Variants in PEX26 observed in about 807,000 individuals in gnomAD.
PEX26 encodes the protein peroxisomal biogenesis factor 26.
A neutral mutation model predicts 31.4 loss-of-function variants in PEX26; 18 were observed. The ratio of observed to expected loss-of-function variants is 0.57; its 90% CI spans 0.40 to 0.85. The LOEUF (loss-of-function observed/expected upper bound fraction) is 0.85, where lower values mean the gene tolerates loss of function less well. Among genes scored for constraint, PEX26 ranks in the 40% least tolerant of loss-of-function variants. PEX26 has a pLI of 0.00. For missense variants in PEX26, 377 were observed against 383.9 expected (o/e 0.98, Z 0.15); for synonymous variants, 176 against 166.9 (o/e 1.05, Z -0.42).
Position 18,078,533 on chromosome 22 carries a change from G to A in PEX26, c.157G>A (p.Ala53Thr). The A allele has an allele frequency of 6.3e-7, 1 of 1,580,006 alleles. No homozygotes were observed. Among genetic ancestry groups the A allele is most frequent in the Admixed American group, 1.8e-5 (1 of 55,516 alleles). ...DLLVVHLDFR[A>T]ALETCERAWQ... ...CCTGGTGGTGCACCTGGACTTCCGG[G>A]CGGCGCTGGAGACCTGCGAGCGGGC... The change falls in exon 1 of 5, where the codon GCG (alanine) becomes ACG (threonine). Residue 53 changes from alanine to threonine, a missense_variant. Physicochemically the swap from Ala to Thr is moderately conservative, Grantham distance 58 (BLOSUM62 0). Transcript: ENST00000399744.
At position 18,092,215 on chromosome 22, in the gene PEX26, T is replaced by TCAAG. The variant is rs1782522688; in HGVS notation, c.*4144_*4147dup. The TCAAG allele has an allele frequency of 6.6e-6, 1 of 152,276 alleles. No homozygotes were observed. Among genetic ancestry groups the TCAAG allele is most frequent in the South Asian group, 2.1e-4 (1 of 4,838 alleles). 9.4% of individuals were successfully genotyped at this position (152,276 alleles called of 1,614,324 possible). A position where few individuals can be genotyped will look rare whatever the true frequency, so the allele number is the denominator to read the frequency against. ...TCTACTGATTTACTCTCTGGCCTAG[T>TCAAG]CAAGCAACCCACCCACGGCCTGGCC... On this transcript the variant is annotated 3_prime_UTR_variant, in exon 5 of 5. Transcript: ENST00000399744.
chr22:18,085,328 G>A lies in PEX26; in HGVS notation c.814+70G>A, dbSNP rs1327932017. 7 of 1,532,260 alleles carry A rather than the reference G, an allele frequency of 4.6e-6. No homozygotes were observed. In the East Asian group the frequency reaches 1.6e-4, roughly 34 times the overall value. 94.9% of individuals were successfully genotyped at this position (1,532,260 alleles called of 1,614,324 possible). On this transcript the variant is annotated intron_variant, in intron 4 of 4. Transcript: ENST00000399744. ...TTGCCAGGGCTGGGCCTGTGGGAGTGGGTGTTTGTCAGAGTCCTACTGGGG... is the reference window on the plus strand; with the variant it reads ...TTGCCAGGGCTGGGCCTGTGGGAGTAGGTGTTTGTCAGAGTCCTACTGGGG...
rs1927176062 is a variant in PEX26 at position 18,093,305 on chromosome 22, T to A, written c.*5230T>A. ...GGCCGGGCGCGGTGGCTCACGCCTG[T>A]AATCCCAGCACCTTGGGAAGCCGAG... On this transcript the variant is annotated 3_prime_UTR_variant, in exon 5 of 5. Transcript: ENST00000399744. The A allele has an allele frequency of 2.0e-5, 3 of 152,224 alleles. No individual in the cohort carries two copies. The highest frequency in any genetic ancestry group is 2.9e-5 in the Non-Finnish European group (2 of 68,060). 9.4% of individuals were successfully genotyped at this position (152,224 alleles called of 1,614,324 possible).
rs866547423 is a variant in PEX26 at position 18,080,853 on chromosome 22, C to T, written c.371+839C>T. Among the ~76,000 whole-genome samples the T allele has an allele frequency of 5.9e-5, 9 of 152,216 alleles. No homozygotes were observed. In the Middle Eastern group the frequency reaches 0.01, roughly 173 times the overall value. ...TTACTGTTAACCATAACCACCCTAC[C>T]GTGCAATAGAACACCACAACTTATT... On this transcript the variant is annotated intron_variant, in intron 2 of 4. Coordinates refer to ENST00000399744, the MANE Select transcript of PEX26 (RefSeq NM_001127649.3).
At position 18,083,587 on chromosome 22, in the gene PEX26, A is replaced by G; in HGVS notation, c.522A>G (p.Leu174=). 6.2e-7 allele frequency: 1 copy of G among 1,614,058 alleles called. No individual in the cohort carries two copies. The highest frequency in any genetic ancestry group is 8.5e-7 in the Non-Finnish European group (1 of 1,179,964). Residue 174 remains leucine, a synonymous_variant, in exon 3 of 5, where the codon TTA becomes TTG. Transcript: ENST00000399744. ...VQRVLLPLGC[L]SEAEELVVGS... Reference sequence around the variant, plus strand: ...GGGTGCTGCTGCCTCTGGGCTGCTTATCGGAGGCTGAGGAGCTAGTGGTGG... The same window carrying G: ...GGGTGCTGCTGCCTCTGGGCTGCTTGTCGGAGGCTGAGGAGCTAGTGGTGG...
At chr22:18,082,579 C>T (rs942350327) in intron 2 of PEX26, among the ~76,000 whole-genome samples, 5 of 152,100 alleles carry the variant, frequency 3.3e-5, no homozygotes, top group Non-Finnish European at 4.4e-5. Flanking sequence ...TATGCCATAA[C>T]ATGCTGTTAT....
At chr22:18,080,875 T>C (rs1304430959) in intron 2 of PEX26, among the ~76,000 whole-genome samples, 1 of 152,110 alleles carries the variant, frequency 6.6e-6, no homozygotes, top group Non-Finnish European at 1.5e-5. Context: ...CACCACAACT[T>C]ATTCCTCCTA....
In PEX26 at chr22:18,085,702, C is replaced by A. The variant is rs1926815514; in HGVS notation, c.814+444C>A. Among the ~76,000 whole-genome samples, 5 of 152,048 alleles carry A rather than the reference C, an allele frequency of 3.3e-5. No individual in the cohort carries two copies. The South Asian group carries it at 1.0e-3, about 32-fold the overall frequency. ...TGGCCAACATGGTAAAGCCCCATCT[C>A]TACTAAAGATACAAAAAAAATTAGC... On this transcript the variant is annotated intron_variant, in intron 4 of 4. Coordinates refer to ENST00000399744, the MANE Select transcript of PEX26 (RefSeq NM_001127649.3).
intron 3 of PEX26, among the ~76,000 whole-genome samples, chr22:18,084,237 C>CTTTTTTTTTTTTT (rs362041): frequency 1.0e-5 from 1 of 95,320 alleles, no homozygotes. Flanking sequence ...ATCTCTCTCT[C>CTTTTTTTTTTTTT]TTTTTTTTTT....
At position 18,092,223 on chromosome 22, in the gene PEX26, C is replaced by T. The variant is rs1927127477; in HGVS notation, c.*4148C>T. On this transcript the variant is annotated 3_prime_UTR_variant, in exon 5 of 5. Coordinates refer to ENST00000399744, the MANE Select transcript of PEX26 (RefSeq NM_001127649.3). ...TTTACTCTCTGGCCTAGTCAAGCAACCCACCCACGGCCTGGCCAAGGTCGG... is the reference window on the plus strand; with the variant it reads ...TTTACTCTCTGGCCTAGTCAAGCAATCCACCCACGGCCTGGCCAAGGTCGG... The T allele has an allele frequency of 6.6e-6, 1 of 152,304 alleles. No homozygotes were observed. The highest frequency in any genetic ancestry group is 1.5e-5 in the Non-Finnish European group (1 of 68,078). 9.4% of individuals were successfully genotyped at this position (152,304 alleles called of 1,614,324 possible).
Position 18,078,240 on chromosome 22 carries a change from A to G in PEX26, c.-137A>G. 1.4e-6 allele frequency: 1 copy of G among 733,876 alleles called. No individual in the cohort carries two copies. The highest frequency in any genetic ancestry group is 2.4e-6 in the Non-Finnish European group (1 of 414,682). The allele number at this position is 733,876 out of a possible 1,614,324, so 45.5% of individuals were successfully genotyped here. A position where few individuals can be genotyped will look rare whatever the true frequency, so the allele number is the denominator to read the frequency against. On this transcript the variant is annotated 5_prime_UTR_variant, in exon 1 of 5. Transcript: ENST00000399744. Reference sequence around the variant, plus strand: ...GCCCCTTCCTTTTCCTTCTCGGGGAATCGACCTCGGGAAGGGGTGTGGGCA... The same window carrying G: ...GCCCCTTCCTTTTCCTTCTCGGGGAGTCGACCTCGGGAAGGGGTGTGGGCA...
At position 18,103,231 on chromosome 22, in the gene PEX26, G is replaced by A. The variant is rs1221947839; in HGVS notation, c.*15156G>A. The A allele has an allele frequency of 6.6e-6, 1 of 151,946 alleles. No individual in the cohort carries two copies. The highest frequency in any genetic ancestry group is 6.6e-5 in the Admixed American group (1 of 15,224). 9.4% of individuals were successfully genotyped at this position (151,946 alleles called of 1,614,324 possible). On this transcript the variant is annotated 3_prime_UTR_variant, in exon 5 of 5. Transcript: ENST00000399744. ...ATGGACACAAACATAGATAGAAGGA[G>A]TGAGTTCTAATGCTTGATAGCAGAA...
intron 1 of PEX26, chr22:18,078,824 A>G (rs1015945336): frequency 1.4e-6 from 1 of 698,804 alleles, no homozygotes; most frequent in Non-Finnish European, 2.6e-6. Context: ...ACAGCCAATT[A>G]TTTGCTCCTT....
chr22:18,103,711 T>C lies in PEX26; in HGVS notation c.*15636T>C, dbSNP rs1927527512. The C allele has an allele frequency of 6.6e-6, 1 of 152,376 alleles. No individual in the cohort carries two copies. Among genetic ancestry groups the C allele is most frequent in the Non-Finnish European group, 1.5e-5 (1 of 68,222 alleles). 9.4% of individuals were successfully genotyped at this position (152,376 alleles called of 1,614,324 possible). A position where few individuals can be genotyped will look rare whatever the true frequency, so the allele number is the denominator to read the frequency against. On this transcript the variant is annotated 3_prime_UTR_variant, in exon 5 of 5. Transcript: ENST00000399744. ...CCAGCTCAGCCCCGTCTCTGTCCCATACAGAGCCACAGCCACAGTGAGAGC... is the reference window on the plus strand; with the variant it reads ...CCAGCTCAGCCCCGTCTCTGTCCCACACAGAGCCACAGCCACAGTGAGAGC...
At chr22:18,081,943 G>A (rs1926630059) in intron 2 of PEX26, among the ~76,000 whole-genome samples, 1 of 151,990 alleles carries the variant, frequency 6.6e-6, no homozygotes, top group Non-Finnish European at 1.5e-5. Context: ...TCTCATTGTG[G>A]TTTTGATTGG....
rs1927352033 is a variant in PEX26, at chr22:18,098,212, CACAT to C, written c.*10141_*10144del. Reference sequence around the variant, plus strand: ...GGCAACAGAGCGAGACTCTGTCTCACACATACACACACAAAAAAAGTATAAATAT... The same window carrying C: ...GGCAACAGAGCGAGACTCTGTCTCACACACACACAAAAAAAGTATAAATAT... On this transcript the variant is annotated 3_prime_UTR_variant, in exon 5 of 5. Transcript: ENST00000399744. 6.6e-6 allele frequency: 1 copy of C among 151,446 alleles called. No individual in the cohort carries two copies. The highest frequency in any genetic ancestry group is 2.0e-4 in the East Asian group (1 of 5,118). 9.4% of individuals were successfully genotyped at this position (151,446 alleles called of 1,614,324 possible). A position where few individuals can be genotyped will look rare whatever the true frequency, so the allele number is the denominator to read the frequency against.
At chr22:18,082,314 G>A (rs362040) in intron 2 of PEX26, among the ~76,000 whole-genome samples, 151,115 of 152,332 alleles carry the variant, frequency 0.99, 74,959 homozygotes, top group East Asian at 1. Flanking sequence ...CATTTCTCCT[G>A]TGCTTTCTTC....
Position 18,087,989 on chromosome 22 carries a change from C to T in PEX26, c.832C>T (p.His278Tyr), listed in dbSNP as rs1926911750. 6.2e-7 allele frequency: 1 copy of T among 1,613,094 alleles called. No individual in the cohort carries two copies. Among genetic ancestry groups the T allele is most frequent in the Non-Finnish European group, 8.5e-7 (1 of 1,179,234 alleles). The part of the protein sequence containing the change: ...RFDPASPSSL[H>Y]FLYKLAQLFR... The stretch of plus-strand genomic sequence containing the variant: ...CCCTGCAGCTTCCCCTTCCTCCCTG[C>T]ACTTCCTCTACAAGCTGGCCCAGCT... The change falls in exon 5 of 5, where the codon CAC (histidine) becomes TAC (tyrosine). Residue 278 changes from histidine to tyrosine, a missense_variant. By Grantham distance (83) the His-to-Tyr change is moderately conservative. Coordinates refer to ENST00000399744, the MANE Select transcript of PEX26 (RefSeq NM_001127649.3).
At position 18,085,237 on chromosome 22, in the gene PEX26, C is replaced by T. The variant is rs1409423569; in HGVS notation, c.793C>T (p.Leu265=). The T allele has an allele frequency of 6.2e-7, 1 of 1,614,132 alleles. No individual in the cohort carries two copies. The highest frequency in any genetic ancestry group is 8.5e-7 in the Non-Finnish European group (1 of 1,180,014). ...CCTGGCTGCCTTGATCCTCTGTCTC[C>T]TGGTGGTGAGATTTGATCCAGGTAA... ...SLLAALILCL[L]VVRFDPASPS... The change falls in exon 4 of 5, where the codon CTG becomes TTG. Residue 265 remains leucine (L), a synonymous_variant. Coordinates refer to ENST00000399744, the MANE Select transcript of PEX26 (RefSeq NM_001127649.3).
Sources: allele counts gnomAD v4.1 joint callset (sites outside exome capture counted in the v4.1 genomes callset), GRCh38; gene constraint gnomAD v4.1.1; transcripts MANE v1.5; gene names NCBI Gene and HGNC (gene_info 2026-07-23, HGNC 2026-07-21).